The following CAMK1D variants were observed in gnomAD, a reference collection of about 807,000 sequenced individuals.
CAMK1D encodes the protein calcium/calmodulin dependent protein kinase ID.
A neutral mutation model predicts 47.7 loss-of-function variants in CAMK1D; 9 were observed. That is an observed-to-expected ratio of 0.19 (90% CI 0.11 to 0.33). The LOEUF is 0.33. Ranked by LOEUF, CAMK1D falls within the 10% of genes least tolerant of loss-of-function variation. CAMK1D has a pLI of 1.00. For synonymous variants in CAMK1D, 184 were observed against 184.9 expected, an observed-to-expected ratio of 0.99 and a Z score of 0.04; for missense variants, 291 against 488.7, an observed-to-expected ratio of 0.60 and a Z score of 3.81.
intron 1 of CAMK1D, among the ~76,000 whole-genome samples, chr10:12,539,093 A>G (rs1836080714): frequency 6.6e-6 from 1 of 152,056 alleles, no homozygotes; most frequent in African/African-American, 2.4e-5. Flanking sequence ...ATTGTAACTT[A>G]CTTAACCAGT....
chr10:12,700,966 C>T (rs1833494463), intron 3 of CAMK1D, among the ~76,000 whole-genome samples: 3 of 152,336 alleles, frequency 2.0e-5, no homozygotes, highest in East Asian at 3.9e-4. Flanking sequence ...ATAAAATTTT[C>T]TCCTTTCCAG....
intron 2 of CAMK1D, among the ~76,000 whole-genome samples, chr10:12,592,063 C>T (rs1404069049): frequency 4.6e-5 from 7 of 152,140 alleles, no homozygotes; most frequent in Non-Finnish European, 1.0e-4. Context: ...AATATGAAAA[C>T]GCCCCCGTTG....
chr10:12,627,210 T>C (rs1026200146), intron 2 of CAMK1D, among the ~76,000 whole-genome samples: 1 of 151,550 alleles, frequency 6.6e-6, no homozygotes, highest in African/African-American at 2.4e-5. Context: ...GCTTCCCGAG[T>C]AGCTGGGACT....
At chr10:12,375,458 G>A (rs941610039) in intron 1 of CAMK1D, among the ~76,000 whole-genome samples, 1 of 152,176 alleles carries the variant, frequency 6.6e-6, no homozygotes, top group African/African-American at 2.4e-5. Context: ...GCTTTGCCCT[G>A]CCTCCCCCCT....
intron 1 of CAMK1D, among the ~76,000 whole-genome samples, chr10:12,496,708 A>G (rs1834549425): frequency 6.6e-6 from 1 of 152,226 alleles, no homozygotes; most frequent in South Asian, 2.1e-4. Flanking sequence ...CATTGCTAAT[A>G]GCATGTATTT....
chr10:12,801,262 T>C (rs200182447), intron 6 of CAMK1D, among the ~76,000 whole-genome samples: 27 of 146,372 alleles, frequency 1.8e-4, no homozygotes, highest in South Asian at 6.5e-4. Flanking sequence ...TCCATCCATC[T>C]GTCCGTCCAT....
chr10:12,772,904 C>G (rs1837106773), intron 5 of CAMK1D, among the ~76,000 whole-genome samples: 2 of 152,142 alleles, frequency 1.3e-5, no homozygotes, highest in Non-Finnish European at 2.9e-5. Context: ...GAGCTTGTAT[C>G]TAGAGGACAT....
chr10:12,682,008 A>G (rs1051577332), intron 3 of CAMK1D, among the ~76,000 whole-genome samples: 3 of 152,224 alleles, frequency 2.0e-5, no homozygotes, highest in African/African-American at 7.2e-5. Flanking sequence ...TCACGAGGTC[A>G]GGAGATCGAG....
chr10:12,542,138 C>T (rs1235584167), intron 1 of CAMK1D, among the ~76,000 whole-genome samples: 1 of 151,674 alleles, frequency 6.6e-6, no homozygotes, highest in East Asian at 1.9e-4. Flanking sequence ...CTTGGCCTCC[C>T]AAAGTGCTGG....
chr10:12,447,144 C>G (rs1832947839), intron 1 of CAMK1D, among the ~76,000 whole-genome samples: 1 of 152,056 alleles, frequency 6.6e-6, no homozygotes, highest in Non-Finnish European at 1.5e-5. Flanking sequence ...GCAGAATGGT[C>G]TGTATCTCGT....
chr10:12,542,071 G>A (rs1836213398), intron 1 of CAMK1D, among the ~76,000 whole-genome samples: 1 of 151,910 alleles, frequency 6.6e-6, no homozygotes, highest in African/African-American at 2.4e-5. Flanking sequence ...TAGAGATGGG[G>A]TTTTACCTTT....
chr10:12,671,624 G>GAT (rs753632286), intron 3 of CAMK1D, among the ~76,000 whole-genome samples: 24 of 151,018 alleles, frequency 1.6e-4, no homozygotes, highest in Admixed American at 5.9e-4. Flanking sequence ...TATATATGGA[G>GAT]ATATATATAT....
chr10:12,621,175 C>T (rs1230134312), intron 2 of CAMK1D, among the ~76,000 whole-genome samples: 2 of 152,226 alleles, frequency 1.3e-5, no homozygotes, highest in Non-Finnish European at 1.5e-5. Flanking sequence ...AACAGTACCA[C>T]ACTGTCTGAT....
intron 1 of CAMK1D, among the ~76,000 whole-genome samples, chr10:12,524,503 C>T (rs933471796): frequency 1.3e-5 from 2 of 151,778 alleles, no homozygotes; most frequent in Non-Finnish European, 2.9e-5. Flanking sequence ...GTCAGGAGAC[C>T]GAGACCATCC....
intron 7 of CAMK1D, among the ~76,000 whole-genome samples, chr10:12,815,084 CGAG>C (rs886695923): frequency 6.6e-6 from 1 of 152,084 alleles, no homozygotes; most frequent in Non-Finnish European, 1.5e-5. Flanking sequence ...ATTTGACAGA[CGAG>C]GAAACCGAGG....
In CAMK1D at chr10:12,502,747, G is replaced by A. The variant is rs540332670; in HGVS notation, c.93-50478G>A. ...GCTGGCAGTGGGGGCGTGGAGAGAG[G>A]GTGAAGGCAGAGCGCTGGGAAGGAG... On this transcript the variant is annotated intron_variant, in intron 1 of 10. Transcript: ENST00000619168. Among the ~76,000 whole-genome samples the A allele has an allele frequency of 2.0e-5, 3 of 152,346 alleles. No homozygotes were observed. In the South Asian group the frequency reaches 6.2e-4, roughly 32 times the overall value.
At chr10:12,728,836 C>A (rs377535600) in intron 3 of CAMK1D, among the ~76,000 whole-genome samples, 33 of 152,298 alleles carry the variant, frequency 2.2e-4, no homozygotes, top group African/African-American at 7.5e-4. Context: ...TGTGTGCGCA[C>A]GCACACGTGC....
chr10:12,659,753 C>A (rs963667739), intron 2 of CAMK1D, among the ~76,000 whole-genome samples: 2 of 152,128 alleles, frequency 1.3e-5, no homozygotes, highest in African/African-American at 4.8e-5. Context: ...TGCCAGGGAA[C>A]CACGCCTCTC....
intron 2 of CAMK1D, among the ~76,000 whole-genome samples, chr10:12,595,257 G>T (rs1319690128): frequency 1.4e-5 from 2 of 142,040 alleles, no homozygotes; most frequent in Non-Finnish European, 3.0e-5. Flanking sequence ...CAGGAGAATC[G>T]CTTGCACCTG....
Sources: gnomAD v4.1 joint callset for allele counts (sites outside exome capture counted in the v4.1 genomes callset) on GRCh38, gnomAD v4.1.1 for gene constraint, MANE v1.5 for transcripts, NCBI Gene and HGNC (gene_info 2026-07-23, HGNC 2026-07-21) for gene names.